RSF1: variants seen among roughly 807,000 people sequenced by gnomAD.
RSF1 encodes the protein HBV pX-associated protein 8.
RSF1 carries 13 observed loss-of-function variants against 145.2 expected under a neutral mutation model. The ratio of observed to expected loss-of-function variants is 0.09; its 90% CI spans 0.06 to 0.14. The LOEUF is 0.14. Ranked by LOEUF, RSF1 falls within the 10% of genes least tolerant of loss-of-function variation. RSF1 has a pLI of 1.00. For synonymous variants in RSF1, 577 were observed against 592.6 expected (o/e 0.97, Z 0.38); for missense variants, 1,517 against 1,718.2 (o/e 0.88, Z 2.07).
At chr11:77,678,399 T>C (rs1959770193) in intron 11 of RSF1, among the ~76,000 whole-genome samples, 1 of 152,040 alleles carries the variant, frequency 6.6e-6, no homozygotes, top group Admixed American at 6.6e-5. Flanking sequence ...GTACTTTTAG[T>C]AGAGACAGGG....
At position 77,740,828 on chromosome 11, in the gene RSF1, G is replaced by C; in HGVS notation, c.481C>G (p.Leu161Val). The C allele has an allele frequency of 1.2e-6, 2 of 1,614,060 alleles. No homozygotes were observed. The highest frequency in any genetic ancestry group is 1.7e-6 in the Non-Finnish European group (2 of 1,179,930). ...LQPIGRDKDG[L>V]MYWYQLDQDH... is the part of the protein sequence containing the mutation. ...TGATCCAATTGGTACCAGTACATGA[G>C]GCCATCTTTGTCTCGACCAATTGGC... Residue 161 changes from leucine to valine, a missense_variant, in exon 4 of 16, where the codon CTC becomes GTC. Transcript: ENST00000308488.
At chr11:77,820,734 G>A (rs891741118), upstream of RSF1, 7 of 1,539,546 alleles carry the variant, frequency 4.5e-6, no homozygotes, top group African/African-American at 2.8e-5. Flanking sequence ...GAGGATGGAG[G>A]AGGAGGCGAT....
intron 3 of RSF1, among the ~76,000 whole-genome samples, chr11:77,745,636 T>C (rs771551949): frequency 2.6e-5 from 4 of 151,668 alleles, no homozygotes; most frequent in Non-Finnish European, 2.9e-5. Flanking sequence ...CTGAGACATA[T>C]GCAGTTTTCA....
intron 1 of RSF1, among the ~76,000 whole-genome samples, chr11:77,800,754 C>T (rs1948617712): frequency 6.6e-6 from 1 of 152,142 alleles, no homozygotes. Context: ...CCCAGCTACA[C>T]AACAGGCTGA....
chr11:77,782,622 G>C (rs1948415371), intron 1 of RSF1, among the ~76,000 whole-genome samples: 1 of 151,618 alleles, frequency 6.6e-6, no homozygotes, highest in South Asian at 2.1e-4. Flanking sequence ...AGTGGTGCCT[G>C]CAACTAACAA....
rs143120647 is a variant in RSF1 at position 77,744,541 on chromosome 11, G to C, written c.372+2495C>G. Reference sequence around the variant, plus strand: ...GCTGGTGTTGAACTCCTGGGCTAAAGTGATTCTCTTGCCTCAGCTTCCCAA... The same window carrying C: ...GCTGGTGTTGAACTCCTGGGCTAAACTGATTCTCTTGCCTCAGCTTCCCAA... On this transcript the variant is annotated intron_variant, in intron 3 of 15. Transcript: ENST00000308488. Among the ~76,000 whole-genome samples, 68 of 151,948 alleles carry C rather than the reference G, an allele frequency of 4.5e-4. 1 individual carries two copies. Among genetic ancestry groups the C allele is most frequent in the African/African-American group, 1.5e-3 (64 of 41,436 alleles).
At chr11:77,691,534 G>A in intron 8 of RSF1, 1 of 318,164 alleles carries the variant, frequency 3.1e-6, no homozygotes, top group Non-Finnish European at 5.8e-6. Flanking sequence ...TTCAACATGT[G>A]TATGTAACAG....
intron 4 of RSF1, among the ~76,000 whole-genome samples, chr11:77,737,471 A>AC (rs1229399893): frequency 5.6e-5 from 8 of 143,082 alleles, no homozygotes; most frequent in East Asian, 2.0e-4. Context: ...AAAAAACCAA[A>AC]AAACAACAAC....
chr11:77,776,553 T>C (rs1948344470), intron 1 of RSF1, among the ~76,000 whole-genome samples: 1 of 152,090 alleles, frequency 6.6e-6, no homozygotes, highest in Non-Finnish European at 1.5e-5. Flanking sequence ...TTATAGTTTC[T>C]AGTTATTTCA....
chr11:77,780,735 G>T (rs1048758850), intron 1 of RSF1, among the ~76,000 whole-genome samples: 2 of 148,288 alleles, frequency 1.3e-5, no homozygotes, highest in African/African-American at 5.0e-5. Context: ...TGAAGCAGGA[G>T]AATGGCTTGA....
At chr11:77,749,506 T>C (rs1222554470) in intron 2 of RSF1, among the ~76,000 whole-genome samples, 1 of 152,108 alleles carries the variant, frequency 6.6e-6, no homozygotes, top group African/African-American at 2.4e-5. Flanking sequence ...AAAAACGACA[T>C]AGCTCCAAAG....
chr11:77,746,656 GT>G (rs1362395939), intron 3 of RSF1, among the ~76,000 whole-genome samples: 1 of 152,140 alleles, frequency 6.6e-6, no homozygotes, highest in African/African-American at 2.4e-5. Flanking sequence ...TTATGTGAGG[GT>G]TTTAAGTACG....
the RSF1 span, chr11:77,870,181 T>G: frequency 6.6e-6 from 1 of 151,820 alleles, no homozygotes; most frequent in African/African-American, 2.4e-5. Flanking sequence ...AAAATTTAAT[T>G]TAATTTTTTT....
At chr11:77,787,782 T>A (rs1337247862) in intron 1 of RSF1, among the ~76,000 whole-genome samples, 1 of 150,122 alleles carries the variant, frequency 6.7e-6, no homozygotes, top group Non-Finnish European at 1.5e-5. Flanking sequence ...AATTCAGAGT[T>A]TAGTATCTAC....
intron 2 of RSF1, among the ~76,000 whole-genome samples, chr11:77,759,111 G>T (rs759672171): frequency 5.9e-5 from 9 of 152,044 alleles, no homozygotes; most frequent in Non-Finnish European, 1.2e-4. Flanking sequence ...TATTTTCAGT[G>T]AATTTTTCTA....
In RSF1 at chr11:77,725,639, T is replaced by C. The variant is rs1329412844; in HGVS notation, c.639A>G (p.Leu213=). 2 of 1,611,452 alleles carry C rather than the reference T, an allele frequency of 1.2e-6. No homozygotes were observed. Among genetic ancestry groups the C allele is most frequent in the Non-Finnish European group, 1.7e-6 (2 of 1,178,638 alleles). Residue 213 remains leucine (L), a synonymous_variant, in exon 5 of 16, where the codon CTA becomes CTG. Coordinates refer to ENST00000308488, the MANE Select transcript of RSF1 (RefSeq NM_016578.4). ...TGTCTTGTTGGCTAGAGTTTTTCAA[T>C]AGTACAGGATCAATTTGTGCTTTCA... The part of the protein sequence containing the change: ...ALLKAQIDPV[L]LKNSSQQDNS...
At chr11:77,724,680 C>T (rs550473484) in intron 5 of RSF1, among the ~76,000 whole-genome samples, 3 of 152,100 alleles carry the variant, frequency 2.0e-5, no homozygotes, top group African/African-American at 7.2e-5. Context: ...TGAAACTGTT[C>T]CACCTCAGAT....
At chr11:77,783,198 C>T (rs528633737) in intron 1 of RSF1, among the ~76,000 whole-genome samples, 6 of 152,302 alleles carry the variant, frequency 3.9e-5, no homozygotes, top group African/African-American at 1.2e-4. Context: ...TTTGCAATTC[C>T]TTGTTCTCAT....
the RSF1 span, among the ~76,000 whole-genome samples, chr11:77,868,562 T>C: frequency 2.0e-5 from 3 of 151,666 alleles, no homozygotes; most frequent in African/African-American, 4.8e-5. Context: ...TTTCGCCATG[T>C]TGACCAGGCT....
Sources: allele counts gnomAD v4.1 joint callset (sites outside exome capture counted in the v4.1 genomes callset), GRCh38; gene constraint gnomAD v4.1.1; transcripts MANE v1.5; gene names NCBI Gene and HGNC (gene_info 2026-07-23, HGNC 2026-07-21).